Variants in ASPA observed in about 807,000 individuals in gnomAD.
ASPA encodes aspartoacylase.
In ASPA, 25 loss-of-function variants were observed where a neutral mutation model predicts 29.6. The observed-to-expected ratio is 0.85, with a 90% confidence interval of 0.62 to 1.18. The LOEUF is 1.18. Among genes scored for constraint, ASPA ranks in the 50% most tolerant of loss-of-function variants. ASPA has a pLI of 0.00. For synonymous variants in ASPA, 131 were observed against 130.3 expected, an observed-to-expected ratio of 1.01 and a Z score of -0.04; for missense variants, 333 against 385.7, an observed-to-expected ratio of 0.86 and a Z score of 1.14.
At position 3,476,502 on chromosome 17, in the gene ASPA, C is replaced by T. The variant is rs921192001; in HGVS notation, c.236+107C>T. ...ATGCAGATGATAATTCATGTCCGTA[C>T]ATGCAGTCGTATGTTGAATAAGATC... On this transcript the variant is annotated intron_variant, in intron 1 of 5. Coordinates refer to ENST00000263080, the MANE Select transcript of ASPA (RefSeq NM_000049.4). The T allele has an allele frequency of 3.9e-6, 4 of 1,035,514 alleles. No homozygotes were observed. In the African/African-American group the frequency reaches 6.3e-5, roughly 16 times the overall value. 64.1% of individuals were successfully genotyped at this position (1,035,514 alleles called of 1,614,324 possible).
intron 1 of ASPA, among the ~76,000 whole-genome samples, chr17:3,480,237 C>A (rs1394044040): frequency 2.0e-5 from 3 of 152,218 alleles, no homozygotes; most frequent in Non-Finnish European, 4.4e-5. Context: ...CCAGACAGAG[C>A]TGATTTATCA....
chr17:3,480,297 C>T (rs990272007), intron 1 of ASPA, among the ~76,000 whole-genome samples: 3 of 152,214 alleles, frequency 2.0e-5, no homozygotes, highest in Non-Finnish European at 2.9e-5. Flanking sequence ...GCCGGCTGTA[C>T]AGAAGGCCAG....
intron 5 of ASPA, among the ~76,000 whole-genome samples, chr17:3,495,832 G>C (rs994722775): frequency 9.5e-4 from 145 of 152,320 alleles, no homozygotes; most frequent in African/African-American, 3.4e-3. Context: ...CTCCCAAAGT[G>C]GTGGGATTAC....
At chr17:3,481,876 A>G in intron 2 of ASPA, 78 bp downstream of exon 2, 3 of 1,333,238 alleles carry the variant, frequency 2.3e-6, no homozygotes, top group Admixed American at 2.0e-5. Flanking sequence ...AGACAATCAG[A>G]AAACAGTTAT....
intron 1 of ASPA, among the ~76,000 whole-genome samples, chr17:3,480,221 C>T (rs983655656): frequency 3.3e-5 from 5 of 152,200 alleles, no homozygotes; most frequent in Non-Finnish European, 5.9e-5. Flanking sequence ...TCTCCTCATC[C>T]GCTGCCCAGA....
chr17:3,489,180 T>A, intron 3 of ASPA, 55 bp from the exon 4 acceptor site: 2 of 1,095,876 alleles, frequency 1.8e-6, no homozygotes, highest in South Asian at 2.7e-5. Flanking sequence ...ATGCTTAGTT[T>A]TATAATATAT....
chr17:3,479,036 G>T (rs2073581589), intron 1 of ASPA, among the ~76,000 whole-genome samples: 1 of 152,120 alleles, frequency 6.6e-6, no homozygotes, highest in South Asian at 2.1e-4. Flanking sequence ...GACCCTTCCT[G>T]TCATCTATTT....
At chr17:3,497,713 G>A (rs139761276) in intron 5 of ASPA, among the ~76,000 whole-genome samples, 11 of 152,256 alleles carry the variant, frequency 7.2e-5, no homozygotes, top group South Asian at 2.1e-4. Context: ...GCACGTGAAC[G>A]TCAAGGACCT....
At chr17:3,484,602 T>C (rs1025135874) in intron 3 of ASPA, among the ~76,000 whole-genome samples, 3 of 152,240 alleles carry the variant, frequency 2.0e-5, no homozygotes, top group Admixed American at 2.0e-4. Context: ...TGAAAGGCCA[T>C]TGCTGATTTC....
Position 3,491,877 on chromosome 17 carries a change from C to CTTTTT in ASPA, c.635-2459_635-2455dup, listed in dbSNP as rs540965896. Reference sequence around the variant, plus strand: ...GACAGAAATTTTTTTCTTTTGTTTTCTTTTTTTTTTTTTTTTTTGAGACAG... The same window carrying CTTTTT: ...GACAGAAATTTTTTTCTTTTGTTTTCTTTTTTTTTTTTTTTTTTTTTTTGAGACAG... On this transcript the variant is annotated intron_variant, in intron 4 of 5. Coordinates refer to ENST00000263080, the MANE Select transcript of ASPA (RefSeq NM_000049.4). 4.1e-4 allele frequency among the ~76,000 whole-genome samples: 50 copies of CTTTTT among 123,040 alleles called. 1 individual carries two copies. The highest frequency in any genetic ancestry group is 7.3e-4 in the Non-Finnish European group (45 of 61,536). 80.7% of individuals were successfully genotyped at this position (123,040 alleles called of 152,430 possible). A position where few individuals can be genotyped will look rare whatever the true frequency, so the allele number is the denominator to read the frequency against.
chr17:3,476,084 A>T lies in ASPA; in HGVS notation c.-76A>T, dbSNP rs1249952720. ...GGTAAAGTCTCATTTACATTTCTAA[A>T]CCTTTCTTAAGAAAATCGAATTTCC... is the stretch of plus-strand genomic sequence containing the variant. On this transcript the variant is annotated 5_prime_UTR_variant, in exon 1 of 6. Coordinates refer to ENST00000263080, the MANE Select transcript of ASPA (RefSeq NM_000049.4). 4.4e-6 allele frequency: 6 copies of T among 1,366,358 alleles called. No individual in the cohort carries two copies. Among genetic ancestry groups the T allele is most frequent in the Non-Finnish European group, 6.2e-6 (6 of 964,246 alleles). The allele number at this position is 1,366,358 out of a possible 1,614,324, so 84.6% of individuals were successfully genotyped here. A position where few individuals can be genotyped will look rare whatever the true frequency, so the allele number is the denominator to read the frequency against.
rs558516945 is a variant in ASPA, at chr17:3,490,130, C to T, written c.634+788C>T. Reference sequence around the variant, plus strand: ...TATGTTAACACATCACAGGGAAAGTCCTAGAAGAAAACACACCAAACTGAT... The same window carrying T: ...TATGTTAACACATCACAGGGAAAGTTCTAGAAGAAAACACACCAAACTGAT... On this transcript the variant is annotated intron_variant, in intron 4 of 5. Coordinates refer to ENST00000263080, the MANE Select transcript of ASPA (RefSeq NM_000049.4). This position sits in a 1 kb window ranked among gnomAD's most constrained non-coding sequence, Gnocchi z 4.6. Among the ~76,000 whole-genome samples the T allele has an allele frequency of 3.7e-4, 56 of 152,204 alleles. No homozygotes were observed. The highest frequency in any genetic ancestry group is 1.1e-3 in the African/African-American group (47 of 41,518).
chr17:3,497,748 T>C (rs1312046633), intron 5 of ASPA, among the ~76,000 whole-genome samples: 1 of 152,184 alleles, frequency 6.6e-6, no homozygotes, highest in Admixed American at 6.5e-5. Context: ...TTTGATTTGG[T>C]AGGTCTGCTG....
At chr17:3,478,795 C>T (rs906446533) in intron 1 of ASPA, among the ~76,000 whole-genome samples, 7 of 152,114 alleles carry the variant, frequency 4.6e-5, no homozygotes, top group African/African-American at 1.7e-4. Flanking sequence ...TTCCTATATT[C>T]CTCATCTCAG....
chr17:3,492,790 A>G (rs1366127769), intron 4 of ASPA, among the ~76,000 whole-genome samples: 1 of 152,138 alleles, frequency 6.6e-6, no homozygotes, highest in African/African-American at 2.4e-5. Context: ...AGGCCATCCC[A>G]TAGGATCCAG....
intron 3 of ASPA, among the ~76,000 whole-genome samples, chr17:3,484,198 T>C (rs1326621724): frequency 1.3e-5 from 2 of 152,160 alleles, no homozygotes; most frequent in African/African-American, 4.8e-5. Context: ...CTATAGAACT[T>C]TCCCTGACCC....
At chr17:3,489,111 TAC>T (rs1434005081) in intron 3 of ASPA, 122 bp from the exon 4 acceptor site, 4 of 676,904 alleles carry the variant, frequency 5.9e-6, no homozygotes, top group African/African-American at 1.8e-5. Context: ...TCCATGATGC[TAC>T]ATGGTTTACC....
intron 3 of ASPA, among the ~76,000 whole-genome samples, chr17:3,487,819 A>G (rs1386548917): frequency 6.6e-6 from 1 of 152,236 alleles, no homozygotes; most frequent in Non-Finnish European, 1.5e-5. Context: ...TCTATTAGAA[A>G]CAGGAGGAAA....
At chr17:3,480,208 AG>A (rs1302968168) in intron 1 of ASPA, among the ~76,000 whole-genome samples, 1 of 152,240 alleles carries the variant, frequency 6.6e-6, no homozygotes, top group Non-Finnish European at 1.5e-5. Context: ...CCACCCAGCA[AG>A]TTCTCCTCAT....
Sources: allele counts gnomAD v4.1 joint callset (sites outside exome capture counted in the v4.1 genomes callset), GRCh38; gene constraint gnomAD v4.1.1; non-coding constraint Gnocchi (gnomAD v3.1); transcripts MANE v1.5; gene names NCBI Gene and HGNC (gene_info 2026-07-23, HGNC 2026-07-21).